Variants in TRHDE observed in about 807,000 individuals in gnomAD.
TRHDE encodes the protein thyrotropin-releasing hormone-degrading ectoenzyme.
Under a neutral mutation model 125.7 loss-of-function variants are expected in TRHDE, and 72 were observed. That is an observed-to-expected ratio of 0.57 (90% CI 0.47 to 0.70). The LOEUF (loss-of-function observed/expected upper bound fraction) is 0.70. Among genes scored for constraint, TRHDE ranks in the 30% least tolerant of loss-of-function variants. The pLI, the probability that TRHDE is intolerant of heterozygous loss-of-function variation, is 0.00. For missense variants in TRHDE, 1,110 were observed against 1,327.1 expected, an observed-to-expected ratio of 0.84 and a Z score of 2.54; for synonymous variants, 509 against 509.1, an observed-to-expected ratio of 1.00 and a Z score of 0.00.
chr12:72,184,914 C>T (rs1033314193), intron 2 of TRHDE, among the ~76,000 whole-genome samples: 1 of 152,222 alleles, frequency 6.6e-6, no homozygotes, highest in Non-Finnish European at 1.5e-5. Context: ...TGGCACCTCC[C>T]CTGCCTGGGC....
At chr12:72,250,183 G>T in intron 2 of TRHDE, among the ~76,000 whole-genome samples, 1 of 152,182 alleles carries the variant, frequency 6.6e-6, no homozygotes, top group Non-Finnish European at 1.5e-5. Flanking sequence ...TAGGGTGATG[G>T]AAATGTTCTG....
intron 2 of TRHDE, among the ~76,000 whole-genome samples, chr12:72,324,010 T>C (rs76972936): frequency 0.026 from 3,990 of 152,200 alleles, 102 homozygotes; most frequent in Non-Finnish European, 0.029. Flanking sequence ...AAATTGACCA[T>C]AATTCCTGGT....
intron 12 of TRHDE, among the ~76,000 whole-genome samples, chr12:72,591,261 C>T (rs761439871): frequency 6.6e-6 from 1 of 152,182 alleles, no homozygotes; most frequent in African/African-American, 2.4e-5. Context: ...TGGGTGTGGA[C>T]ACAACCAATC....
At chr12:72,102,915 T>C (rs1875102114) in intron 1 of TRHDE, among the ~76,000 whole-genome samples, 1 of 152,218 alleles carries the variant, frequency 6.6e-6, no homozygotes, top group African/African-American at 2.4e-5. Flanking sequence ...CCGAAGGCCA[T>C]ATTCTTGGGC....
chr12:72,603,704 GAC>G (rs1466575117), intron 12 of TRHDE, among the ~76,000 whole-genome samples: 1 of 151,854 alleles, frequency 6.6e-6, no homozygotes, highest in Non-Finnish European at 1.5e-5. Context: ...CAGCCTGGGC[GAC>G]AGAGTGAGAC....
chr12:72,404,120 G>C (rs1386887929), intron 3 of TRHDE, among the ~76,000 whole-genome samples: 1 of 152,068 alleles, frequency 6.6e-6, no homozygotes, highest in Non-Finnish European at 1.5e-5. Context: ...TGCTGATAAA[G>C]ACATAACCGA....
chr12:72,512,270 T>C (rs1473708365), intron 6 of TRHDE, among the ~76,000 whole-genome samples: 1 of 151,372 alleles, frequency 6.6e-6, no homozygotes, highest in Non-Finnish European at 1.5e-5. Context: ...CTTCTGCTTA[T>C]GCAAAAAGCT....
chr12:72,188,873 TG>T (rs1877282090), intron 2 of TRHDE, among the ~76,000 whole-genome samples: 1 of 152,224 alleles, frequency 6.6e-6, no homozygotes, highest in Non-Finnish European at 1.5e-5. Context: ...CTTGTGTCTT[TG>T]GTACCCACCT....
chr12:72,100,880 A>G (rs1426593845), intron 1 of TRHDE, among the ~76,000 whole-genome samples: 6 of 152,180 alleles, frequency 3.9e-5, no homozygotes, highest in Non-Finnish European at 7.3e-5. Context: ...CCTTAACAAG[A>G]TCCCTCATAC....
intron 6 of TRHDE, among the ~76,000 whole-genome samples, chr12:72,531,433 A>G (rs972369550): frequency 2.0e-5 from 3 of 151,862 alleles, no homozygotes; most frequent in Admixed American, 6.6e-5. Context: ...TGAATTTATG[A>G]TGTCTTTTAT....
chr12:72,135,033 A>T (rs1875949287), intron 2 of TRHDE, among the ~76,000 whole-genome samples: 1 of 137,956 alleles, frequency 7.2e-6, no homozygotes, highest in African/African-American at 3.0e-5. Flanking sequence ...AAACACTATT[A>T]AAAAAAAAAG....
chr12:72,271,832 A>G, upstream of TRHDE: 1 of 440,988 alleles, frequency 2.3e-6, no homozygotes, highest in Non-Finnish European at 4.6e-6. Context: ...CCTGAAGGGG[A>G]TGGCCCGGCC....
chr12:72,165,943 G>A (rs1319691323), intron 2 of TRHDE, among the ~76,000 whole-genome samples: 1 of 152,058 alleles, frequency 6.6e-6, no homozygotes, highest in Non-Finnish European at 1.5e-5. Flanking sequence ...CCAAAGTGCT[G>A]GGATTACAGG....
At chr12:72,621,966 TATTA>T (rs1873073053) in intron 15 of TRHDE, among the ~76,000 whole-genome samples, 1 of 152,172 alleles carries the variant, frequency 6.6e-6, no homozygotes, top group South Asian at 2.1e-4. Context: ...ATGCTAACTT[TATTA>T]ATTTAGGTCT....
intron 2 of TRHDE, among the ~76,000 whole-genome samples, chr12:72,318,393 A>G (rs1297954111): frequency 6.6e-6 from 1 of 152,190 alleles, no homozygotes; most frequent in African/African-American, 2.4e-5. Flanking sequence ...AGTCACTCAT[A>G]TTAGCTGGGA....
intron 2 of TRHDE, among the ~76,000 whole-genome samples, chr12:72,106,595 A>T (rs1389002686): frequency 1.3e-5 from 2 of 152,122 alleles, no homozygotes; most frequent in African/African-American, 4.8e-5. Context: ...CTTTTGTAAT[A>T]TTGATCCCTC....
At chr12:72,513,701 T>C (rs1878705263) in intron 6 of TRHDE, among the ~76,000 whole-genome samples, 1 of 151,830 alleles carries the variant, frequency 6.6e-6, no homozygotes, top group African/African-American at 2.4e-5. Flanking sequence ...ACACAGAGAT[T>C]TTTTTTTAAA....
intron 2 of TRHDE, among the ~76,000 whole-genome samples, chr12:72,150,996 C>G (rs909824103): frequency 6.6e-6 from 1 of 152,180 alleles, no homozygotes; most frequent in Non-Finnish European, 1.5e-5. Flanking sequence ...AATGGTTGAA[C>G]TAGTTTACAG....
chr12:72,668,527 T>A lies in TRHDE; in HGVS notation c.*5332T>A, dbSNP rs770494143. On this transcript the variant is annotated 3_prime_UTR_variant, in exon 19 of 19. Transcript: ENST00000261180. ...TGTACATTCCTAGTTCATTTATTAA[T>A]GTACTAAGAAAAAGAAAACAAAATG... The A allele has an allele frequency of 3.3e-5, 5 of 151,776 alleles. No individual in the cohort carries two copies. The highest frequency in any genetic ancestry group is 7.2e-5 in the African/African-American group (3 of 41,398). The allele number at this position is 151,776 out of a possible 1,614,324, so 9.4% of individuals were successfully genotyped here. A position where few individuals can be genotyped will look rare whatever the true frequency, so the allele number is the denominator to read the frequency against.
Sources: allele counts gnomAD v4.1 joint callset (sites outside exome capture counted in the v4.1 genomes callset), GRCh38; gene constraint gnomAD v4.1.1; transcripts MANE v1.5; gene names NCBI Gene and HGNC (gene_info 2026-07-23, HGNC 2026-07-21).